ENOX1: variants seen among roughly 807,000 people sequenced by gnomAD.
ENOX1 encodes candidate growth-related and time keeping constitutive hydroquinone (NADH) oxidase.
In ENOX1, 42 loss-of-function variants were observed where a neutral mutation model predicts 82.5. That is an observed-to-expected ratio of 0.51 (90% CI 0.40 to 0.66). ENOX1 has a LOEUF of 0.66. ENOX1 is among the 30% of genes least tolerant of loss of function. The probability of loss-of-function intolerance (pLI) is 0.00; values close to 1 mark genes in which losing one functional copy is unlikely to be tolerated. For missense variants in ENOX1, 608 were observed against 811.6 expected (o/e 0.75, Z 3.05); for synonymous variants, 271 against 282.2 (o/e 0.96, Z 0.40).
chr13:43,357,644 C>A (rs1424672405), intron 7 of ENOX1, among the ~76,000 whole-genome samples: 1 of 152,158 alleles, frequency 6.6e-6, no homozygotes, highest in Non-Finnish European at 1.5e-5. Flanking sequence ...GCTATCCCAA[C>A]TGGCCAAGCA....
At chr13:43,605,192 C>T (rs534280337) in intron 2 of ENOX1, among the ~76,000 whole-genome samples, 9 of 152,098 alleles carry the variant, frequency 5.9e-5, no homozygotes, top group African/African-American at 1.7e-4. Context: ...ATTTCATGTG[C>T]ATGGGCTGGA....
intron 1 of ENOX1, among the ~76,000 whole-genome samples, chr13:43,755,381 C>G (rs1180727684): frequency 6.6e-6 from 1 of 152,128 alleles, no homozygotes; most frequent in African/African-American, 2.4e-5. Context: ...CTTCTTGTCT[C>G]TCCAGGTTGT....
At chr13:43,426,599 G>GA (rs2055318814) in intron 3 of ENOX1, among the ~76,000 whole-genome samples, 1 of 152,064 alleles carries the variant, frequency 6.6e-6, no homozygotes, top group East Asian at 1.9e-4. Flanking sequence ...AATGTTTATT[G>GA]AAAAATAACA....
intron 1 of ENOX1, among the ~76,000 whole-genome samples, chr13:43,780,167 A>G (rs1952181576): frequency 6.6e-6 from 1 of 151,344 alleles, no homozygotes; most frequent in African/African-American, 2.4e-5. Context: ...TCTCAAAAAA[A>G]AAAAGAAAAA....
chr13:43,297,587 G>C (rs1179956488), intron 12 of ENOX1, among the ~76,000 whole-genome samples: 1 of 152,132 alleles, frequency 6.6e-6, no homozygotes, highest in East Asian at 1.9e-4. Context: ...AAATCTGACT[G>C]TGAATCTTTG....
At chr13:43,742,536 G>C (rs1949798302) in intron 1 of ENOX1, among the ~76,000 whole-genome samples, 1 of 152,126 alleles carries the variant, frequency 6.6e-6, no homozygotes, top group Admixed American at 6.5e-5. Flanking sequence ...ACTCACATTG[G>C]TGAGAGCCAT....
chr13:43,646,347 G>T (rs58031480), intron 2 of ENOX1, among the ~76,000 whole-genome samples: 22,732 of 152,160 alleles, frequency 0.15, 2,077 homozygotes, highest in East Asian at 0.39. Flanking sequence ...GATTAAATAA[G>T]TGTTTGCAGA....
At chr13:43,747,294 GTAT>G (rs1398482703) in intron 1 of ENOX1, among the ~76,000 whole-genome samples, 1 of 152,108 alleles carries the variant, frequency 6.6e-6, no homozygotes, top group East Asian at 1.9e-4. Context: ...ATACTATATG[GTAT>G]TATTATTGTG....
chr13:43,768,386 G>A (rs903312730), intron 1 of ENOX1, among the ~76,000 whole-genome samples: 4 of 152,152 alleles, frequency 2.6e-5, no homozygotes, highest in African/African-American at 9.7e-5. Context: ...AGGATCACTT[G>A]AGGCCAGGAG....
intron 2 of ENOX1, among the ~76,000 whole-genome samples, chr13:43,490,606 C>T (rs80034366): frequency 6.6e-6 from 1 of 152,090 alleles, no homozygotes; most frequent in Admixed American, 6.5e-5. Context: ...AGATTAAGGA[C>T]CTTATTAAAA....
chr13:43,487,483 C>T (rs2076469345), intron 2 of ENOX1, among the ~76,000 whole-genome samples: 1 of 152,128 alleles, frequency 6.6e-6, no homozygotes, highest in African/African-American at 2.4e-5. Flanking sequence ...AAAGTAGACA[C>T]CTAACCTAAC....
chr13:43,630,874 CATAT>C (rs375643872), intron 2 of ENOX1, among the ~76,000 whole-genome samples: 3 of 144,664 alleles, frequency 2.1e-5, no homozygotes, highest in South Asian at 2.3e-4. Context: ...CACACACACA[CATAT>C]ATATACACAT....
chr13:43,412,559 A>G (rs1357607303), intron 4 of ENOX1, among the ~76,000 whole-genome samples: 10 of 152,230 alleles, frequency 6.6e-5, no homozygotes, highest in Admixed American at 6.5e-4. Flanking sequence ...ACATTATTAC[A>G]CTAAGAAAAT....
intron 11 of ENOX1, among the ~76,000 whole-genome samples, chr13:43,320,692 G>A (rs950961602): frequency 3.3e-5 from 5 of 152,132 alleles, no homozygotes; most frequent in African/African-American, 1.2e-4. Flanking sequence ...GTTCAAATGA[G>A]AATTTCTGAC....
chr13:43,484,230 T>C, intron 2 of ENOX1, 78 bp from the exon 3 acceptor site: 1 of 795,644 alleles, frequency 1.3e-6, no homozygotes, highest in Non-Finnish European at 1.5e-6. Flanking sequence ...TTATCACTTA[T>C]ATGTGTTATC....
chr13:43,236,576 T>G, intron 15 of ENOX1, 60 bp downstream of exon 15: 2 of 1,028,712 alleles, frequency 1.9e-6, no homozygotes, highest in South Asian at 3.3e-5. Context: ...AACTAAAATA[T>G]TAAGTTAATT....
At chr13:43,533,117 T>A (rs1566467997) in intron 2 of ENOX1, among the ~76,000 whole-genome samples, 1 of 152,120 alleles carries the variant, frequency 6.6e-6, no homozygotes, top group Non-Finnish European at 1.5e-5. Context: ...ATACATTTCT[T>A]GAAAACGAGG....
chr13:43,584,915 C>T (rs981895285), intron 2 of ENOX1, among the ~76,000 whole-genome samples: 2 of 152,128 alleles, frequency 1.3e-5, no homozygotes, highest in African/African-American at 4.8e-5. Flanking sequence ...AGTTTGTTAC[C>T]CCATCGCAAG....
chr13:43,512,068 G>T (rs575840964), intron 2 of ENOX1, among the ~76,000 whole-genome samples: 17 of 151,976 alleles, frequency 1.1e-4, no homozygotes, highest in African/African-American at 3.9e-4. Context: ...GTATGTAGAT[G>T]CATATCTAAT....
Sources: allele counts gnomAD v4.1 joint callset (sites outside exome capture counted in the v4.1 genomes callset), GRCh38; gene constraint gnomAD v4.1.1; transcripts MANE v1.5; gene names NCBI Gene and HGNC (gene_info 2026-07-23, HGNC 2026-07-21).